NBPF9: variants seen among roughly 807,000 people sequenced by gnomAD.
NBPF9 encodes NBPF family member NBPF9.
NBPF9 carries 91 observed loss-of-function variants against 97.8 expected under a neutral mutation model. The ratio of observed to expected loss-of-function variants is 0.93; its 90% CI spans 0.79 to 1.11. The LOEUF is 1.11. NBPF9 is among the 50% of genes least tolerant of loss of function. The pLI is 0.00. For synonymous variants in NBPF9, 334 were observed against 359.5 expected, an observed-to-expected ratio of 0.93 and a Z score of 0.80; for missense variants, 992 against 939.5, an observed-to-expected ratio of 1.06 and a Z score of -0.73.
At chr1:149,062,667 A>G (rs587599262) in intron 21 of NBPF9, among the ~76,000 whole-genome samples, 195 bp downstream of exon 21, 2 of 150,326 alleles carry the variant, frequency 1.3e-5, no homozygotes, top group Admixed American at 6.7e-5. Context: ...GTCAACCTAT[A>G]GTAAGTTAGT....
chr1:149,093,884 T>C (rs2081575352), intron 4 of NBPF9, among the ~76,000 whole-genome samples: 1 of 129,018 alleles, frequency 7.8e-6, no homozygotes, highest in South Asian at 3.2e-4. Flanking sequence ...TCTGTAATCC[T>C]AGCACTTTGA....
intron 3 of NBPF9, among the ~76,000 whole-genome samples, chr1:149,100,977 A>G (rs2082109363): frequency 1.3e-5 from 2 of 151,984 alleles, no homozygotes; most frequent in Non-Finnish European, 2.9e-5. Context: ...AAATTGCTAT[A>G]AGGTTAACAC....
At chr1:149,052,516 TC>T (rs2077970593), downstream of NBPF9, among the ~76,000 whole-genome samples, 1 of 151,916 alleles carries the variant, frequency 6.6e-6, no homozygotes, top group Admixed American at 6.6e-5. Flanking sequence ...GGGGTGGGCC[TC>T]ATGCAATCCA....
intron 4 of NBPF9, among the ~76,000 whole-genome samples, chr1:149,095,814 G>C (rs1269088267): frequency 6.6e-6 from 1 of 151,940 alleles, no homozygotes; most frequent in East Asian, 1.9e-4. Context: ...AAATGCTGTC[G>C]AAGATGAGGA....
chr1:149,059,334 G>T lies in NBPF9; in HGVS notation c.2586-237C>A, dbSNP rs1268020995. The T allele has an allele frequency of 1.5e-5, 7 of 468,538 alleles. 3 individuals are homozygous for T. Among genetic ancestry groups the T allele is most frequent in the African/African-American group, 7.3e-5 (3 of 41,114 alleles). 29.0% of individuals were successfully genotyped at this position (468,538 alleles called of 1,614,324 possible). ...CAGAGAGAAAGTGACCTAGTGAATT[G>T]GCCGGGTGACACACTGATGAAGGAG... On this transcript the variant is annotated intron_variant, in intron 25 of 29. Coordinates refer to ENST00000584027, the Ensembl canonical transcript of NBPF9.
At chr1:149,081,393 C>T (rs1316247327) in intron 7 of NBPF9, among the ~76,000 whole-genome samples, 14 of 151,708 alleles carry the variant, frequency 9.2e-5, no homozygotes, top group African/African-American at 3.4e-4. Context: ...GCTGAGATTA[C>T]AGGAGTGAGC....
In NBPF9 at chr1:149,060,286, G is replaced by C. The variant is rs1170668452; in HGVS notation, c.2476+237C>G. ...ATCTGCCCAGGTCCAATGTCATGAG[G>C]ATAGGATCAGGGCGCCACAGGTATG... On this transcript the variant is annotated intron_variant, in intron 24 of 29. Coordinates refer to ENST00000584027, the Ensembl canonical transcript of NBPF9. The C allele has an allele frequency of 3.5e-4, 126 of 357,664 alleles. 31 individuals carry two copies. Among genetic ancestry groups the C allele is most frequent in the African/African-American group, 3.2e-3 (114 of 35,210 alleles). 22.2% of individuals were successfully genotyped at this position (357,664 alleles called of 1,614,324 possible). A position where few individuals can be genotyped will look rare whatever the true frequency, so the allele number is the denominator to read the frequency against.
rs1358761587 is a variant in NBPF9 at position 149,073,857 on chromosome 1, A to G, written c.1002T>C (p.Cys334=). 0.042 allele frequency: 59,672 copies of G among 1,410,586 alleles called. 6,388 individuals are homozygous for G. In the East Asian group the frequency reaches 0.46, roughly 11 times the overall value. The allele number at this position is 1,410,586 out of a possible 1,614,324, so 87.4% of individuals were successfully genotyped here. The change falls in exon 13 of 30, where the codon TGT becomes TGC. Residue 334 remains cysteine, a synonymous_variant. Coordinates refer to ENST00000584027, the Ensembl canonical transcript of NBPF9. ...TCAGCATAAATTTTATGAGGTCTTT[A>G]CACTCTTCATACTCTGAGAAAAGAC...
intron 17 of NBPF9, among the ~76,000 whole-genome samples, chr1:149,067,772 T>C (rs1256901766): frequency 7.0e-6 from 1 of 142,868 alleles, no homozygotes; most frequent in Non-Finnish European, 1.5e-5. Flanking sequence ...AATAAACATA[T>C]GTGTGCATGT....
At chr1:149,079,830 A>G (rs1422991426) in intron 8 of NBPF9, among the ~76,000 whole-genome samples, 17 of 152,228 alleles carry the variant, frequency 1.1e-4, no homozygotes, top group Non-Finnish European at 1.9e-4. Context: ...CACATCAACA[A>G]TTACTTGTTT....
At chr1:149,072,652 G>A (rs2079508581) in intron 14 of NBPF9, 66 bp downstream of exon 14, 2 of 1,530,010 alleles carry the variant, frequency 1.3e-6, no homozygotes, top group Non-Finnish European at 1.8e-6. Flanking sequence ...CATTGTGAAA[G>A]TATGGAGGTC....
chr1:149,093,144 C>A (rs1383608506), intron 4 of NBPF9, among the ~76,000 whole-genome samples: 1 of 151,826 alleles, frequency 6.6e-6, no homozygotes, highest in Non-Finnish European at 1.5e-5. Context: ...AACACGTGAA[C>A]AAATGTCTCT....
At chr1:149,081,114 A>C (rs587689778) in intron 7 of NBPF9, among the ~76,000 whole-genome samples, 1 of 151,042 alleles carries the variant, frequency 6.6e-6, no homozygotes, top group Non-Finnish European at 1.5e-5. Context: ...TTTTTGATTT[A>C]TTTATCTTTT....
At chr1:149,083,103 C>A (rs377484537) in intron 5 of NBPF9, among the ~76,000 whole-genome samples, 2 of 151,026 alleles carry the variant, frequency 1.3e-5, no homozygotes, top group African/African-American at 4.9e-5. Context: ...CCACCGCGCC[C>A]GGCCGACTTC....
chr1:149,063,525 C>T (rs2078781787), intron 20 of NBPF9, 108 bp downstream of exon 20: 5 of 700,622 alleles, frequency 7.1e-6, no homozygotes, highest in African/African-American at 1.9e-5. Context: ...ATAGGTCCTC[C>T]CTGTGGCAAT....
intron 8 of NBPF9, among the ~76,000 whole-genome samples, chr1:149,079,526 C>T (rs1553655872): frequency 6.7e-6 from 1 of 149,912 alleles, no homozygotes; most frequent in South Asian, 2.2e-4. Flanking sequence ...CTCACTCTGG[C>T]CATGGACATT....
intron 23 of NBPF9, chr1:149,061,064 C>A (rs1235628182): frequency 2.4e-6 from 1 of 423,052 alleles, no homozygotes; most frequent in Non-Finnish European, 4.4e-6. Flanking sequence ...AATAATTTTC[C>A]ATAAAATGTG....
chr1:149,071,663 A>C, exon 15 of NBPF9: 1 of 1,315,872 alleles, frequency 7.6e-7, no homozygotes, highest in East Asian at 2.5e-5. Flanking sequence ...CTTCATCGTC[A>C]TCGTTGTCAT....
chr1:149,060,813 T>C, intron 23 of NBPF9, 118 bp from the exon 24 acceptor site: 1 of 394,604 alleles, frequency 2.5e-6, no homozygotes, highest in South Asian at 3.1e-5. Context: ...ATAGATCCAT[T>C]AATGAGGTAA....
Sources: gnomAD v4.1 joint callset for allele counts (sites outside exome capture counted in the v4.1 genomes callset) on GRCh38, gnomAD v4.1.1 for gene constraint, MANE v1.5 for transcripts, NCBI Gene and HGNC (gene_info 2026-07-23, HGNC 2026-07-21) for gene names.